Variants in ZNF136 observed in about 807,000 individuals in gnomAD.
ZNF136 encodes zinc finger protein 136 (clone pHZ-20).
A neutral mutation model predicts 11.4 loss-of-function variants in ZNF136; 8 were observed. The observed-to-expected ratio is 0.70, with a 90% CI of 0.41 to 1.27. ZNF136 has a LOEUF of 1.27. ZNF136 is among the 50% of genes most tolerant of loss of function. The pLI is 0.01. For missense variants in ZNF136, 590 were observed against 656.5 expected (o/e 0.90, Z 1.11); for synonymous variants, 190 against 207.1 (o/e 0.92, Z 0.71).
At chr19:12,177,396 G>T (rs540759628) in intron 1 of ZNF136, among the ~76,000 whole-genome samples, 1 of 152,334 alleles carries the variant, frequency 6.6e-6, no homozygotes, top group South Asian at 2.1e-4. Context: ...AGGCTGAAGT[G>T]CAGTGGCGCG....
intron 1 of ZNF136, among the ~76,000 whole-genome samples, chr19:12,178,239 T>A (rs976499389): frequency 6.6e-6 from 1 of 152,268 alleles, no homozygotes; most frequent in Non-Finnish European, 1.5e-5. Context: ...CCACTCCGTG[T>A]GTTGCCTGCC....
rs368996517 is a variant in ZNF136, at chr19:12,187,755, T to C, written c.1377T>C (p.Tyr459=). The part of the protein sequence containing the change: ...ECKQCGKAFS[Y]LNSFRTHEMI... ...AGCAATGTGGGAAAGCCTTCAGTTATCTCAACTCCTTTCGAACACATGAAA... is the reference window on the plus strand; with the variant it reads ...AGCAATGTGGGAAAGCCTTCAGTTACCTCAACTCCTTTCGAACACATGAAA... The change falls in exon 4 of 4, where the codon TAT becomes TAC. Residue 459 remains tyrosine (Y), a synonymous_variant. Transcript: ENST00000343979. The C allele has an allele frequency of 1.2e-5, 20 of 1,613,102 alleles. No homozygotes were observed. Among genetic ancestry groups the C allele is most frequent in the South Asian group, 5.5e-5 (5 of 90,906 alleles).
intron 1 of ZNF136, among the ~76,000 whole-genome samples, chr19:12,164,025 C>A (rs935369486): frequency 6.6e-6 from 1 of 152,140 alleles, no homozygotes; most frequent in Non-Finnish European, 1.5e-5. Flanking sequence ...CTGACTCAAG[C>A]TGCCCACAGC....
chr19:12,170,393 CT>C (rs201586775), intron 1 of ZNF136, among the ~76,000 whole-genome samples: 522 of 143,758 alleles, frequency 3.6e-3, no homozygotes, highest in Non-Finnish European at 4.7e-3. Context: ...TCATAAACTT[CT>C]TTTTTTTTTT....
At chr19:12,168,060 T>TTTTC in intron 1 of ZNF136, among the ~76,000 whole-genome samples, 2 of 99,742 alleles carry the variant, frequency 2.0e-5, no homozygotes, top group African/African-American at 8.0e-5. Context: ...TCTTTTTCTT[T>TTTTC]TTTTTTTTTT....
At position 12,163,113 on chromosome 19, in the gene ZNF136, A is replaced by G. The variant is rs1174898384; in HGVS notation, c.-91A>G. ...TTCGCTTCGCTAGTCCCAGAGGCCC[A>G]GAGTGGCTCGCCTGGAGTCTCTGTG... On this transcript the variant is annotated 5_prime_UTR_variant, in exon 1 of 4. Coordinates refer to ENST00000343979, the MANE Select transcript of ZNF136 (RefSeq NM_003437.5). 2.2e-6 allele frequency: 3 copies of G among 1,345,490 alleles called. No individual in the cohort carries two copies. Among genetic ancestry groups the G allele is most frequent in the African/African-American group, 3.0e-5 (2 of 66,194 alleles). 83.3% of individuals were successfully genotyped at this position (1,345,490 alleles called of 1,614,324 possible). A position where few individuals can be genotyped will look rare whatever the true frequency, so the allele number is the denominator to read the frequency against.
chr19:12,174,380 A>G (rs73921408), intron 1 of ZNF136, among the ~76,000 whole-genome samples: 1,891 of 152,266 alleles, frequency 0.012, 28 homozygotes, highest in Middle Eastern at 0.041. Context: ...GTGTCGAAGT[A>G]TCTGTAATCT....
Position 12,188,193 on chromosome 19 carries a change from A to AG in ZNF136, c.*193dup. On this transcript the variant is annotated 3_prime_UTR_variant, in exon 4 of 4. Coordinates refer to ENST00000343979, the MANE Select transcript of ZNF136 (RefSeq NM_003437.5). ...TTTTAGTTCCTTTCAAATACATGAA[A>AG]GAACTCATCATGGAGAAAACCAAAC... 1 of 450,544 alleles carries AG rather than the reference A, an allele frequency of 2.2e-6. No homozygotes were observed. Among genetic ancestry groups the AG allele is most frequent in the Non-Finnish European group, 3.8e-6 (1 of 264,328 alleles). 27.9% of individuals were successfully genotyped at this position (450,544 alleles called of 1,614,324 possible). A position where few individuals can be genotyped will look rare whatever the true frequency, so the allele number is the denominator to read the frequency against.
Position 12,187,289 on chromosome 19 carries a change from G to T in ZNF136, c.911G>T (p.Gly304Val), listed in dbSNP as rs1170559032. ...TLRIHERTHT[G>V]EKPYECKQCG... ...CGAATACATGAAAGAACCCATACTG[G>T]AGAGAAACCTTATGAATGCAAGCAG... Residue 304 changes from glycine (G) to valine (V), a missense_variant, in exon 4 of 4, where the codon GGA (glycine) becomes GTA (valine). Gly to Val is a moderately radical substitution (Grantham distance 109). Transcript: ENST00000343979. 1.2e-6 allele frequency: 2 copies of T among 1,614,002 alleles called. No homozygotes were observed. The highest frequency in any genetic ancestry group is 2.7e-5 in the African/African-American group (2 of 74,902).
intron 1 of ZNF136, among the ~76,000 whole-genome samples, chr19:12,179,871 A>T (rs1015726279): frequency 2.0e-5 from 3 of 147,174 alleles, no homozygotes; most frequent in Non-Finnish European, 4.5e-5. Context: ...ACTATTGATA[A>T]TTTTTTTTTT....
intron 1 of ZNF136, among the ~76,000 whole-genome samples, chr19:12,165,773 C>T (rs1307407126): frequency 6.6e-6 from 1 of 152,166 alleles, no homozygotes; most frequent in Non-Finnish European, 1.5e-5. Context: ...TGTGTCTTCA[C>T]AATAATTCTT....
chr19:12,187,096 C>G lies in ZNF136; in HGVS notation c.718C>G (p.Arg240Gly), dbSNP rs773092857. ...AGCCTTCACTTGTATCACAAGTGTT[C>G]GAAGACACATGATAAAGCACACTGG... ...GKAFTCITSVRRHMIKHTGDG... is the reference protein window; with the variant it reads ...GKAFTCITSVGRHMIKHTGDG... Residue 240 changes from arginine (R) to glycine (G), a missense_variant, in exon 4 of 4, where the codon CGA becomes GGA. Coordinates refer to ENST00000343979, the MANE Select transcript of ZNF136 (RefSeq NM_003437.5). 1.2e-6 allele frequency: 2 copies of G among 1,613,738 alleles called. No individual in the cohort carries two copies. Among genetic ancestry groups the G allele is most frequent in the African/African-American group, 2.7e-5 (2 of 74,814 alleles).
chr19:12,181,796 G>C (rs1325651767), intron 1 of ZNF136, among the ~76,000 whole-genome samples: 2 of 151,990 alleles, frequency 1.3e-5, no homozygotes, highest in Non-Finnish European at 2.9e-5. Context: ...CACTACGCCC[G>C]GCTAATTTCT....
At chr19:12,186,241 C>T in intron 3 of ZNF136, 67 bp downstream of exon 3, 4 of 1,476,820 alleles carry the variant, frequency 2.7e-6, no homozygotes, top group Non-Finnish European at 3.7e-6. Flanking sequence ...ATTTTAAAAA[C>T]AGGCAAACAT....
At chr19:12,172,074 C>T (rs796247385) in intron 1 of ZNF136, among the ~76,000 whole-genome samples, 118 of 149,766 alleles carry the variant, frequency 7.9e-4, no homozygotes, top group African/African-American at 2.9e-3. Context: ...CGCCTCCTGG[C>T]GTCAGGTGTT....
intron 1 of ZNF136, chr19:12,184,945 G>T (rs2049122907): frequency 6.6e-6 from 1 of 152,144 alleles, no homozygotes; most frequent in African/African-American, 2.4e-5. Context: ...CCCTAAAATT[G>T]GGGCTTATCC....
intron 1 of ZNF136, among the ~76,000 whole-genome samples, chr19:12,183,593 A>G (rs971022482): frequency 4.1e-4 from 62 of 149,428 alleles, no homozygotes; most frequent in African/African-American, 1.5e-3. Context: ...CTATCTATCT[A>G]TCTATCTATC....
chr19:12,169,021 A>G (rs989068896), intron 1 of ZNF136, among the ~76,000 whole-genome samples: 2 of 152,152 alleles, frequency 1.3e-5, no homozygotes, highest in Non-Finnish European at 2.9e-5. Flanking sequence ...GTACTAGCAA[A>G]TTATTGAAAT....
At chr19:12,184,773 G>C (rs184075030) in intron 1 of ZNF136, 1 of 152,052 alleles carries the variant, frequency 6.6e-6, no homozygotes, top group Non-Finnish European at 1.5e-5. Context: ...TGTGTTGCGC[G>C]TGTAACAAAT....
Sources: gnomAD v4.1 joint callset for allele counts (sites outside exome capture counted in the v4.1 genomes callset) on GRCh38, gnomAD v4.1.1 for gene constraint, MANE v1.5 for transcripts, NCBI Gene and HGNC (gene_info 2026-07-23, HGNC 2026-07-21) for gene names.